Variants in ITIH1 observed in about 807,000 individuals in gnomAD.
ITIH1 encodes inter-alpha-trypsin inhibitor heavy chain 1, also known as inter-alpha-trypsin inhibitor heavy chain H1.
A neutral mutation model predicts 104.6 loss-of-function variants in ITIH1; 94 were observed. The ratio of observed to expected loss-of-function variants is 0.90; its 90% CI spans 0.76 to 1.07. The LOEUF (loss-of-function observed/expected upper bound fraction) is 1.07, where lower values mean the gene tolerates loss of function less well. Ranked by LOEUF, ITIH1 falls within the 50% of genes least tolerant of loss-of-function variation. The probability of loss-of-function intolerance (pLI) is 0.00; values close to 1 mark genes in which losing one functional copy is unlikely to be tolerated. For missense variants in ITIH1, 1,193 were observed against 1,181.4 expected (o/e 1.01, Z -0.14); for synonymous variants, 455 against 464.4 (o/e 0.98, Z 0.26).
chr3:52,781,339 TTC>T (rs1285599576), intron 6 of ITIH1, among the ~76,000 whole-genome samples: 2 of 149,800 alleles, frequency 1.3e-5, no homozygotes, highest in Non-Finnish European at 3.0e-5. Context: ...TTCTTCTATC[TTC>T]TCTTCTTCTT....
rs751817615 is a variant in ITIH1, at chr3:52,787,066, G to A, written c.1855G>A (p.Gly619Ser). ...MSIRGMADQD[G>S]LKPTIDKPSE... ...CATCAGGGGCATGGCGGACCAGGAC[G>A]GCCTGAAGCCCACCATCGACAAGCC... The change falls in exon 14 of 22, where the codon GGC (glycine) becomes AGC (serine). Residue 619 changes from glycine (G) to serine (S), a missense_variant. Coordinates refer to ENST00000273283, the MANE Select transcript of ITIH1 (RefSeq NM_002215.4). 13 of 1,614,182 alleles carry A rather than the reference G, an allele frequency of 8.1e-6. No homozygotes were observed. Among genetic ancestry groups the A allele is most frequent in the East Asian group, 4.5e-5 (2 of 44,884 alleles).
chr3:52,778,155 G>C (rs1226625602), intron 2 of ITIH1, 138 bp downstream of exon 2: 1 of 1,170,294 alleles, frequency 8.5e-7, no homozygotes, highest in Non-Finnish European at 1.3e-6. Context: ...ATGGGGACTT[G>C]TTCCCATCTC....
chr3:52,787,287 C>G (rs1699228369), intron 15 of ITIH1, 85 bp downstream of exon 15: 1 of 1,554,564 alleles, frequency 6.4e-7, no homozygotes, highest in Non-Finnish European at 8.9e-7. Context: ...CTCGCAGCTC[C>G]CCATCCCCAT....
At chr3:52,785,317 A>G (rs933456220) in intron 12 of ITIH1, 88 bp downstream of exon 12, 3 of 1,309,568 alleles carry the variant, frequency 2.3e-6, no homozygotes, top group Non-Finnish European at 3.2e-6. Context: ...GCCATCCCCC[A>G]GAGGCCTCTC....
chr3:52,790,973 G>A, intron 20 of ITIH1, 52 bp downstream of exon 20: 4 of 1,537,260 alleles, frequency 2.6e-6, no homozygotes, highest in East Asian at 2.3e-5. Context: ...GAAGCCAGAG[G>A]ACATGTGGGA....
At position 52,779,610 on chromosome 3, in the gene ITIH1, C is replaced by A; in HGVS notation, c.573+16C>A. 1 of 1,613,872 alleles carries A rather than the reference C, an allele frequency of 6.2e-7. No homozygotes were observed. Among genetic ancestry groups the A allele is most frequent in the South Asian group, 1.1e-5 (1 of 91,056 alleles). The stretch of plus-strand genomic sequence containing the variant: ...TCATTTTGAGGTAGATCACAGGTCC[C>A]GGGGCAGGGGTCCTGCCCCTCTCTC... On this transcript the variant is annotated intron_variant, in intron 5 of 21. Transcript: ENST00000273283. This position sits in a 1 kb window ranked among gnomAD's most constrained non-coding sequence, Gnocchi z 4.4.
chr3:52,786,959 G>T lies in ITIH1; in HGVS notation c.1748G>T (p.Arg583Met). Residue 583 changes from arginine (R) to methionine (M), a missense_variant, in exon 14 of 22, where the codon AGG (arginine) becomes ATG (methionine). Physicochemically the swap from Arg to Met is moderately conservative, Grantham distance 91. Transcript: ENST00000273283. ...ELLAKRMKVD[R>M]EERANLSSQA... ...CTTGAATGCAGGATGAAGGTGGACAGGGAGGAGAGGGCCAACCTGTCATCC... is the reference window on the plus strand; with the variant it reads ...CTTGAATGCAGGATGAAGGTGGACATGGAGGAGAGGGCCAACCTGTCATCC... The T allele has an allele frequency of 6.2e-7, 1 of 1,613,284 alleles. No individual in the cohort carries two copies. Among genetic ancestry groups the T allele is most frequent in the Non-Finnish European group, 8.5e-7 (1 of 1,179,500 alleles).
chr3:52,779,995 T>C lies in ITIH1; in HGVS notation c.574-274T>C, dbSNP rs1021276076. ...GTACACCTTCATTTGGTCAGTATTT[T>C]TGGAGTGCCTACTGAGTACCAGGCC... On this transcript the variant is annotated intron_variant, in intron 5 of 21. Transcript: ENST00000273283. The surrounding 1 kb of genome is among the most constrained non-coding windows in gnomAD (Gnocchi z 4.4). 5.0e-6 allele frequency: 7 copies of C among 1,393,750 alleles called. No homozygotes were observed. The highest frequency in any genetic ancestry group is 2.7e-4 in the Middle Eastern group (1 of 3,724). 86.3% of individuals were successfully genotyped at this position (1,393,750 alleles called of 1,614,324 possible).
In ITIH1 at chr3:52,783,243, G is replaced by C; in HGVS notation, c.1129G>C (p.Gly377Arg). Residue 377 changes from glycine to arginine, a missense_variant, in exon 10 of 22, where the codon GGA becomes CGA. Physicochemically the swap from Gly to Arg is moderately radical, Grantham distance 125 (BLOSUM62 -2). Transcript: ENST00000273283. The stretch of plus-strand genomic sequence containing the variant: ...AAACCTGAATGGAGGTTTGCTCCGG[G>C]GAATTGAGATCTTGAACCAAGTTCA... ...ATNLNGGLLR[G>R]IEILNQVQES... The C allele has an allele frequency of 1.9e-6, 3 of 1,614,104 alleles. No individual in the cohort carries two copies. Among genetic ancestry groups the C allele is most frequent in the Non-Finnish European group, 2.5e-6 (3 of 1,180,016 alleles).
chr3:52,778,997 A>C lies in ITIH1; in HGVS notation c.361A>C (p.Lys121Gln), dbSNP rs755437725. ...GDIKDKVTAW[K>Q]QYRKAAISGE... ...CATAAAGGACAAGGTGACTGCATGG[A>C]AGCAGTACCGGAAAGCAGCTATCTC... The change falls in exon 4 of 22, where the codon AAG (lysine) becomes CAG (glutamine). Residue 121 changes from lysine to glutamine, a missense_variant. Transcript: ENST00000273283. 6.2e-7 allele frequency: 1 copy of C among 1,614,030 alleles called. No individual in the cohort carries two copies. Among genetic ancestry groups the C allele is most frequent in the Non-Finnish European group, 8.5e-7 (1 of 1,179,968 alleles).
At chr3:52,780,118 T>A in intron 5 of ITIH1, 151 bp from the exon 6 acceptor site, 1 of 911,268 alleles carries the variant, frequency 1.1e-6, no homozygotes, top group Non-Finnish European at 1.6e-6. Context: ...TGGTAGAGAA[T>A]TTGCTTCAGT....
chr3:52,778,819 C>A, intron 3 of ITIH1, 123 bp from the exon 4 acceptor site: 1 of 1,046,942 alleles, frequency 9.6e-7, no homozygotes, highest in African/African-American at 1.6e-5. Context: ...CTGAGTTCCA[C>A]CATGGGCAGT....
chr3:52,778,972 C>T lies in ITIH1; in HGVS notation c.336C>T (p.Asp112=), dbSNP rs764222303. 1.5e-5 allele frequency: 25 copies of T among 1,613,762 alleles called. 1 individual carries two copies. The Middle Eastern group carries it at 6.6e-4, about 42-fold the overall frequency. Residue 112 remains aspartate (D), a synonymous_variant, in exon 4 of 22, where the codon GAC becomes GAT. Transcript: ENST00000273283. ...CAGATGGAAACGCATTTATCGGAGACATAAAGGACAAGGTGACTGCATGGA... is the reference window on the plus strand; with the variant it reads ...CAGATGGAAACGCATTTATCGGAGATATAAAGGACAAGGTGACTGCATGGA... ...VTADGNAFIG[D]IKDKVTAWKQ...
chr3:52,791,469 G>A (rs1024269235), intron 20 of ITIH1, 48 bp from the exon 21 acceptor site: 1 of 1,496,998 alleles, frequency 6.7e-7, no homozygotes, highest in Non-Finnish European at 9.3e-7. Context: ...TGCAGGGCAG[G>A]AGCAAGTCCC....
In ITIH1 at chr3:52,791,595, T is replaced by A. The variant is rs372083039; in HGVS notation, c.2573T>A (p.Met858Lys). Reference sequence around the variant, plus strand: ...GACCCCACAAAGCCAGATGCCACGATGGTGGTGAGGAACCGCCGGCTCACG... The same window carrying A: ...GACCCCACAAAGCCAGATGCCACGAAGGTGGTGAGGAACCGCCGGCTCACG... The part of the protein sequence containing the change: ...GSDPTKPDAT[M>K]VVRNRRLTVT... The change falls in exon 21 of 22, where the codon ATG (methionine) becomes AAG (lysine). Residue 858 changes from methionine to lysine, a missense_variant. By Grantham distance (95) the Met-to-Lys change is moderately conservative. Transcript: ENST00000273283. 13 of 1,613,960 alleles carry A rather than the reference T, an allele frequency of 8.1e-6. No individual in the cohort carries two copies. Among genetic ancestry groups the A allele is most frequent in the Admixed American group, 1.7e-5 (1 of 60,002 alleles).
intron 12 of ITIH1, among the ~76,000 whole-genome samples, chr3:52,785,991 G>A (rs1456788614): frequency 6.6e-6 from 1 of 152,194 alleles, no homozygotes; most frequent in Non-Finnish European, 1.5e-5. Context: ...GAATTTGGTG[G>A]GCATTTGGAG....
chr3:52,789,735 A>G lies in ITIH1; in HGVS notation c.2202A>G (p.Gly734=). Residue 734 remains glycine (G), a synonymous_variant, in exon 19 of 22, where the codon GGA becomes GGG. Transcript: ENST00000273283. ...ACGGCACGTACTTCGGGCGGCTGGGAATCGCAAACCCTGCCACGGACTTTC... is the reference window on the plus strand; with the variant it reads ...ACGGCACGTACTTCGGGCGGCTGGGGATCGCAAACCCTGCCACGGACTTTC... ...QHDGTYFGRL[G]IANPATDFQL... is the part of the protein sequence containing the mutation. 1 of 1,614,212 alleles carries G rather than the reference A, an allele frequency of 6.2e-7. No individual in the cohort carries two copies.
rs757161448 is a variant in ITIH1 at position 52,791,628 on chromosome 3, G to C, written c.2606G>C (p.Arg869Thr). ...VVRNRRLTVT[R>T]GLQKDYSKDP... ...AGGAACCGCCGGCTCACGGTCACCA[G>C]GTGGGTGGGCTGCTTGCCCAGCACG... Residue 869 changes from arginine (R) to threonine (T), a missense_variant and splice_region_variant, in exon 21 of 22, where the codon AGG becomes ACG. Arg to Thr is a moderately conservative substitution (Grantham distance 71, BLOSUM62 -1). Transcript: ENST00000273283. 49 of 1,613,682 alleles carry C rather than the reference G, an allele frequency of 3.0e-5. No homozygotes were observed. The highest frequency in any genetic ancestry group is 3.5e-5 in the Non-Finnish European group (41 of 1,179,910).
chr3:52,784,917 AC>A (rs112186394), intron 11 of ITIH1, 126 bp from the exon 12 acceptor site: 29,012 of 869,220 alleles, frequency 0.033, 3,087 homozygotes, highest in African/African-American at 0.3. Flanking sequence ...CGAGCCAGCT[AC>A]TTGACCTCTC....
Sources: allele counts gnomAD v4.1 joint callset (sites outside exome capture counted in the v4.1 genomes callset), GRCh38; gene constraint gnomAD v4.1.1; non-coding constraint Gnocchi (gnomAD v3.1); transcripts MANE v1.5; gene names NCBI Gene and HGNC (gene_info 2026-07-23, HGNC 2026-07-21).